NRDC: variants seen among roughly 807,000 people sequenced by gnomAD.
The protein encoded by NRDC is nardilysin.
NRDC carries 54 observed loss-of-function variants against 147.1 expected under a neutral mutation model. The ratio of observed to expected loss-of-function variants is 0.37; its 90% CI spans 0.29 to 0.46. The LOEUF is 0.46. Among genes scored for constraint, NRDC ranks in the 20% least tolerant of loss-of-function variants. The pLI is 1.00. For missense variants in NRDC, 1,082 were observed against 1,370.6 expected (o/e 0.79, Z 3.33); for synonymous variants, 440 against 482.1 (o/e 0.91, Z 1.14).
At chr1:51,816,210 G>T in intron 11 of NRDC, 102 bp downstream of exon 11, 1 of 537,468 alleles carries the variant, frequency 1.9e-6, no homozygotes. Context: ...TTTATTCTAG[G>T]CTTCCTGGCA....
At chr1:51,845,305 C>G (rs570465692) in intron 1 of NRDC, among the ~76,000 whole-genome samples, 1 of 152,204 alleles carries the variant, frequency 6.6e-6, no homozygotes, top group East Asian at 1.9e-4. Flanking sequence ...GAAATGTCTC[C>G]TTTTGGCCCG....
At chr1:51,875,410 C>T (rs1299242044) in intron 1 of NRDC, among the ~76,000 whole-genome samples, 2 of 152,196 alleles carry the variant, frequency 1.3e-5, no homozygotes, top group African/African-American at 2.4e-5. Context: ...AAGACAAAAA[C>T]GCAACAATTT....
intron 19 of NRDC, among the ~76,000 whole-genome samples, chr1:51,804,983 C>T (rs1440242470): frequency 6.6e-6 from 1 of 152,184 alleles, no homozygotes; most frequent in African/African-American, 2.4e-5. Flanking sequence ...TATTCAGACA[C>T]ATTTCCGAAA....
At chr1:51,872,459 C>A (rs1171380043) in intron 1 of NRDC, among the ~76,000 whole-genome samples, 3 of 152,180 alleles carry the variant, frequency 2.0e-5, no homozygotes, top group Admixed American at 6.5e-5. Flanking sequence ...GTACTCCCAG[C>A]ACTTTGGGAG....
rs1223558527 is a variant in NRDC, at chr1:51,800,686, A to G, written c.2314-3T>C. The G allele has an allele frequency of 1.2e-6, 2 of 1,609,976 alleles. No homozygotes were observed. The highest frequency in any genetic ancestry group is 1.3e-5 in the African/African-American group (1 of 74,684). ...TCAATAATGAGCTGAAACAGTAGCT[A>G]AAAGAAAAAGAAGGAAGCATTTTAA... On this transcript the variant is annotated splice_polypyrimidine_tract_variant and splice_region_variant and intron_variant, in intron 20 of 30. Transcript: ENST00000352171.
chr1:51,817,774 T>C (rs1216717840), intron 10 of NRDC, among the ~76,000 whole-genome samples: 1 of 152,174 alleles, frequency 6.6e-6, no homozygotes, highest in African/African-American at 2.4e-5. Flanking sequence ...GCCCAAATTA[T>C]TTAACTTTAT....
intron 17 of NRDC, 129 bp from the exon 18 acceptor site, chr1:51,807,042 A>G (rs1387125626): frequency 2.1e-6 from 2 of 936,160 alleles, no homozygotes; most frequent in East Asian, 3.0e-5. Context: ...ATGTTGGAAT[A>G]CATTAAATTA....
intron 1 of NRDC, among the ~76,000 whole-genome samples, chr1:51,871,878 T>G (rs996947745): frequency 3.3e-5 from 5 of 152,118 alleles, no homozygotes; most frequent in African/African-American, 7.2e-5. Context: ...GTTTGTTTTT[T>G]GGTTTTCTTT....
chr1:51,870,274 T>A (rs997682953), intron 1 of NRDC, among the ~76,000 whole-genome samples: 2 of 152,182 alleles, frequency 1.3e-5, no homozygotes, highest in Non-Finnish European at 2.9e-5. Flanking sequence ...AAAAGAAAAG[T>A]GAAGAGGGGA....
chr1:51,876,823 T>C (rs947688655), intron 1 of NRDC, among the ~76,000 whole-genome samples: 3 of 152,222 alleles, frequency 2.0e-5, no homozygotes, highest in Admixed American at 6.5e-5. Context: ...GCGCTAACGC[T>C]GTAGGGGCTT....
At chr1:51,870,482 T>C (rs987320812) in intron 1 of NRDC, among the ~76,000 whole-genome samples, 3 of 152,190 alleles carry the variant, frequency 2.0e-5, no homozygotes, top group Non-Finnish European at 4.4e-5. Context: ...ACTTCACCCA[T>C]TTTCTACATT....
rs539493005 is a variant in NRDC at position 51,846,552 on chromosome 1, T to C, written c.342-6038A>G. Among the ~76,000 whole-genome samples the C allele has an allele frequency of 3.0e-4, 45 of 152,358 alleles. No homozygotes were observed. In the South Asian group the frequency reaches 4.1e-3, roughly 14 times the overall value. On this transcript the variant is annotated intron_variant, in intron 1 of 30. Transcript: ENST00000352171. ...TTCTTAAAAGCGGCTTGTTTGGAGTTTGTTCTTTCCAATGTTCGGATGTGT... is the reference window on the plus strand; with the variant it reads ...TTCTTAAAAGCGGCTTGTTTGGAGTCTGTTCTTTCCAATGTTCGGATGTGT...
At chr1:51,792,191 C>T in intron 25 of NRDC, 93 bp from the exon 26 acceptor site, 1 of 1,535,130 alleles carries the variant, frequency 6.5e-7, no homozygotes. Context: ...CTCCCAAGTC[C>T]AGCCTCCCTT....
At chr1:51,811,939 T>C (rs1205971543) in intron 15 of NRDC, 55 bp downstream of exon 15, 19 of 1,150,794 alleles carry the variant, frequency 1.7e-5, no homozygotes, top group Non-Finnish European at 2.1e-5. Context: ...ATCTTCGTAC[T>C]TTCTCACCCT....
chr1:51,872,333 G>GAC (rs1404647478), intron 1 of NRDC, among the ~76,000 whole-genome samples: 2 of 151,978 alleles, frequency 1.3e-5, no homozygotes, highest in African/African-American at 4.8e-5. Flanking sequence ...AAAACACACA[G>GAC]ACATACACAC....
intron 1 of NRDC, among the ~76,000 whole-genome samples, chr1:51,858,390 A>C (rs1682361246): frequency 6.6e-6 from 1 of 151,884 alleles, no homozygotes; most frequent in Non-Finnish European, 1.5e-5. Context: ...GAGGTGGGAA[A>C]TTCACTTGAG....
In NRDC at chr1:51,794,577, C is replaced by T. The variant is rs1678800171; in HGVS notation, c.2670G>A (p.Met890Ile). ...GCTCTACCACCTGGAACTGCACAGGCATCTCCTGCTCCAGAGGCTTGAAGT... is the reference window on the plus strand; with the variant it reads ...GCTCTACCACCTGGAACTGCACAGGTATCTCCTGCTCCAGAGGCTTGAAGT... ...KLNFKPLEQE[M>I]PVQFQVVELP... Residue 890 changes from methionine (M) to isoleucine (I), a missense_variant, in exon 24 of 31, where the codon ATG becomes ATA. This residue lies in a region of NRDC where 635 missense variants were observed against 923.8 expected (regional missense o/e 0.69). Transcript: ENST00000352171. The T allele has an allele frequency of 6.2e-7, 1 of 1,614,200 alleles. No homozygotes were observed. Among genetic ancestry groups the T allele is most frequent in the African/African-American group, 1.3e-5 (1 of 75,052 alleles).
chr1:51,840,766 T>G (rs1681230638), intron 1 of NRDC, among the ~76,000 whole-genome samples: 1 of 152,198 alleles, frequency 6.6e-6, no homozygotes, highest in Admixed American at 6.5e-5. Context: ...TTTTTAAATT[T>G]TGAACTACAT....
At chr1:51,792,177 A>G (rs933893757) in intron 25 of NRDC, 79 bp from the exon 26 acceptor site, 25 of 1,575,996 alleles carry the variant, frequency 1.6e-5, no homozygotes, top group Non-Finnish European at 2.2e-5. Flanking sequence ...AGTGTTTCAC[A>G]TACCTCCCAA....
Sources: gnomAD v4.1 joint callset for allele counts (sites outside exome capture counted in the v4.1 genomes callset) on GRCh38, gnomAD v4.1.1 for gene constraint, gnomAD v4.1.1 regional missense constraint, MANE v1.5 for transcripts, NCBI Gene and HGNC (gene_info 2026-07-23, HGNC 2026-07-21) for gene names.